Variants in MCTP2 observed in about 807,000 individuals in gnomAD.
The protein encoded by MCTP2 is multiple C2 and transmembrane domain containing 2, also known as multiple C2 and transmembrane domain-containing protein 2.
MCTP2 carries 132 observed loss-of-function variants against 111.6 expected under a neutral mutation model. The ratio of observed to expected loss-of-function variants is 1.18; its 90% CI spans 1.03 to 1.37. The LOEUF is 1.37. MCTP2 is among the 40% of genes most tolerant of loss of function. The pLI, the probability that MCTP2 is intolerant of heterozygous loss-of-function variation, is 0.00. For synonymous variants in MCTP2, 395 were observed against 387.7 expected (o/e 1.02, Z -0.22); for missense variants, 1,183 against 1,067.9 (o/e 1.11, Z -1.50).
At chr15:94,249,659 G>T (rs1199523670) in intron 1 of MCTP2, among the ~76,000 whole-genome samples, 1 of 151,926 alleles carries the variant, frequency 6.6e-6, no homozygotes, top group African/African-American at 2.4e-5. Context: ...CTAATTTTTT[G>T]TATTTTTAGT....
chr15:94,402,362 A>C, intron 17 of MCTP2: 1 of 1,474,486 alleles, frequency 6.8e-7, no homozygotes, highest in Non-Finnish European at 9.0e-7. Flanking sequence ...ACAGGACTAA[A>C]TAATAACTGA....
chr15:94,367,660 C>G lies in MCTP2; in HGVS notation c.1357C>G (p.Pro453Ala), dbSNP rs756317313. Residue 453 changes from proline to alanine, a missense_variant, in exon 11 of 23, where the codon CCA (proline) becomes GCA (alanine). By Grantham distance (27) the Pro-to-Ala change is conservative. Coordinates refer to ENST00000357742, the MANE Select transcript of MCTP2 (RefSeq NM_001385001.1). ...PLKQANCLEL[P>A]LDSCLGALLM... Reference sequence around the variant, plus strand: ...GAAGCAAGCCAACTGCCTGGAGCTGCCACTGGACAGCTGTCTGGGGGCTCT... The same window carrying G: ...GAAGCAAGCCAACTGCCTGGAGCTGGCACTGGACAGCTGTCTGGGGGCTCT... 2 of 1,611,796 alleles carry G rather than the reference C, an allele frequency of 1.2e-6. No individual in the cohort carries two copies. The highest frequency in any genetic ancestry group is 2.7e-5 in the African/African-American group (2 of 74,654).
intron 1 of MCTP2, among the ~76,000 whole-genome samples, chr15:94,297,326 C>T (rs534673481): frequency 7.9e-5 from 12 of 152,298 alleles, no homozygotes; most frequent in African/African-American, 2.9e-4. Context: ...GTGAAGCATC[C>T]TTATCCCTCA....
chr15:94,372,314 T>C (rs368369357), intron 12 of MCTP2, among the ~76,000 whole-genome samples: 1 of 152,232 alleles, frequency 6.6e-6, no homozygotes, highest in Non-Finnish European at 1.5e-5. Context: ...GGTCTTCGTT[T>C]TTAGAACTAA....
At chr15:94,466,074 T>C (rs971584195) in intron 20 of MCTP2, among the ~76,000 whole-genome samples, 2 of 152,222 alleles carry the variant, frequency 1.3e-5, no homozygotes, top group African/African-American at 4.8e-5. Flanking sequence ...TCAATTATTA[T>C]GGTTTGCATT....
chr15:94,248,240 A>G (rs1466444731), intron 1 of MCTP2, among the ~76,000 whole-genome samples: 1 of 152,050 alleles, frequency 6.6e-6, no homozygotes, highest in Non-Finnish European at 1.5e-5. Context: ...TGAATAAGGA[A>G]ACAAAATCCC....
chr15:94,437,331 T>C (rs530606033), intron 17 of MCTP2, among the ~76,000 whole-genome samples: 4 of 151,976 alleles, frequency 2.6e-5, no homozygotes, highest in African/African-American at 4.8e-5. Flanking sequence ...TGTGAATATA[T>C]AAAAAAGAAA....
Position 94,321,803 on chromosome 15 carries a change from C to G in MCTP2, c.637+6166C>G, listed in dbSNP as rs1006001810. ...CTAGTGGCCTACTGTTGACCAGAAG[C>G]CTTACTGATAACATAAACAGCCCGT... On this transcript the variant is annotated intron_variant, in intron 4 of 22. Transcript: ENST00000357742. Among the ~76,000 whole-genome samples the G allele has an allele frequency of 3.9e-5, 6 of 152,278 alleles. No homozygotes were observed. The South Asian group carries it at 6.2e-4, about 16-fold the overall frequency.
chr15:94,362,214 C>G (rs1194638591), intron 10 of MCTP2, among the ~76,000 whole-genome samples: 1 of 152,082 alleles, frequency 6.6e-6, no homozygotes, highest in Admixed American at 6.5e-5. Flanking sequence ...AGACATAAAG[C>G]TAAGTTTAAC....
intron 17 of MCTP2, among the ~76,000 whole-genome samples, chr15:94,429,140 C>T (rs1274191811): frequency 2.0e-5 from 3 of 151,490 alleles, no homozygotes; most frequent in African/African-American, 4.9e-5. Context: ...CCCCTACCGA[C>T]GTCTATGCCT....
intron 14 of MCTP2, 104 bp from the exon 15 acceptor site, chr15:94,398,857 G>C: frequency 1.5e-6 from 1 of 649,980 alleles, no homozygotes; most frequent in African/African-American, 1.8e-5. Flanking sequence ...CTTCACCTGT[G>C]ATCATTGTGC....
At chr15:94,365,682 T>C (rs1230196779) in intron 10 of MCTP2, among the ~76,000 whole-genome samples, 1 of 152,170 alleles carries the variant, frequency 6.6e-6, no homozygotes, top group African/African-American at 2.4e-5. Context: ...AGCACTTACT[T>C]ATATATTATT....
Position 94,480,474 on chromosome 15 carries a change from A to G in MCTP2, c.*1440A>G, listed in dbSNP as rs1338561509. ...CTTTCTGGCTGAGCCAGAATTCTGC[A>G]TGATTTGATTTACTTCAAGTTAATG... On this transcript the variant is annotated 3_prime_UTR_variant, in exon 23 of 23. Coordinates refer to ENST00000357742, the MANE Select transcript of MCTP2 (RefSeq NM_001385001.1). 1.7e-4 allele frequency: 26 copies of G among 152,198 alleles called. No homozygotes were observed. The highest frequency in any genetic ancestry group is 1.7e-3 in the Admixed American group (26 of 15,268). The allele number at this position is 152,198 out of a possible 1,614,324, so 9.4% of individuals were successfully genotyped here.
At chr15:94,384,417 T>G (rs2080337170) in intron 13 of MCTP2, among the ~76,000 whole-genome samples, 1 of 152,100 alleles carries the variant, frequency 6.6e-6, no homozygotes. Flanking sequence ...CATTCGTGGG[T>G]TAAGGAAATG....
intron 7 of MCTP2, chr15:94,342,720 A>G (rs537915867): frequency 2.6e-5 from 4 of 151,132 alleles, no homozygotes; most frequent in African/African-American, 4.9e-5. Context: ...ATATATCTCT[A>G]TATATGCACA....
chr15:94,303,131 T>TTATATA (rs373687041), intron 2 of MCTP2, among the ~76,000 whole-genome samples: 6 of 142,446 alleles, frequency 4.2e-5, no homozygotes, highest in African/African-American at 1.3e-4. Flanking sequence ...TATATATAGT[T>TTATATA]TATATATATA....
At chr15:94,303,129 G>GTT (rs1298826956) in intron 2 of MCTP2, among the ~76,000 whole-genome samples, 41 of 131,812 alleles carry the variant, frequency 3.1e-4, no homozygotes, top group African/African-American at 1.1e-3. Flanking sequence ...TATATATATA[G>GTT]TTTATATATA....
chr15:94,353,556 T>G (rs1395399205), intron 8 of MCTP2, among the ~76,000 whole-genome samples: 1 of 152,232 alleles, frequency 6.6e-6, no homozygotes, highest in African/African-American at 2.4e-5. Flanking sequence ...CCATTTTTCT[T>G]AAGCAATTGC....
At chr15:94,284,143 G>A (rs1377174624) in intron 1 of MCTP2, among the ~76,000 whole-genome samples, 2 of 152,134 alleles carry the variant, frequency 1.3e-5, no homozygotes, top group Non-Finnish European at 2.9e-5. Flanking sequence ...TCTACTCTGA[G>A]GTATGGTGTT....
Sources: allele counts gnomAD v4.1 joint callset (sites outside exome capture counted in the v4.1 genomes callset), GRCh38; gene constraint gnomAD v4.1.1; transcripts MANE v1.5; gene names NCBI Gene and HGNC (gene_info 2026-07-23, HGNC 2026-07-21).